Variants in TBC1D4 observed in about 807,000 individuals in gnomAD.
TBC1D4 encodes TBC1 domain family member 4.
A neutral mutation model predicts 142.5 loss-of-function variants in TBC1D4; 121 were observed. The observed-to-expected ratio is 0.85, with a 90% CI of 0.73 to 0.99. The LOEUF (loss-of-function observed/expected upper bound fraction) is 0.99. Among genes scored for constraint, TBC1D4 ranks in the 50% least tolerant of loss-of-function variants. The probability of loss-of-function intolerance (pLI) is 0.00; values close to 1 mark genes in which losing one functional copy is unlikely to be tolerated. For missense variants in TBC1D4, 1,475 were observed against 1,606.6 expected, an observed-to-expected ratio of 0.92 and a Z score of 1.40; for synonymous variants, 630 against 628.2, an observed-to-expected ratio of 1.00 and a Z score of -0.04.
chr13:75,294,861 T>A lies in TBC1D4; in HGVS notation c.3309A>T (p.Arg1103Ser). The A allele has an allele frequency of 6.2e-7, 1 of 1,613,824 alleles. No homozygotes were observed. The change falls in exon 18 of 21, where the codon AGA becomes AGT. Residue 1103 changes from arginine to serine, a missense_variant. Physicochemically the swap from Arg to Ser is moderately radical, Grantham distance 110 (BLOSUM62 -1). Coordinates refer to ENST00000377636, the MANE Select transcript of TBC1D4 (RefSeq NM_014832.5). ...ASQFSLGFVA[R>S]VFDIIFLQGT... ...ATTACAGGTATCTCTTACCAAAAAC[T>A]CTGGCTACAAATCCTAATGAAAACT... is the stretch of plus-strand genomic sequence containing the variant.
intron 10 of TBC1D4, 136 bp from the exon 11 acceptor site, chr13:75,324,537 T>A (rs1879064438): frequency 1.9e-6 from 2 of 1,029,636 alleles, no homozygotes; most frequent in Admixed American, 2.6e-5. Context: ...GGATCTTACA[T>A]GAAAAAAAAA....
chr13:75,305,640 C>T (rs1182669688), intron 15 of TBC1D4, among the ~76,000 whole-genome samples: 1 of 152,160 alleles, frequency 6.6e-6, no homozygotes, highest in African/African-American at 2.4e-5. Context: ...TATAGAATTT[C>T]TTTGGGTATT....
chr13:75,402,074 T>C (rs1475522272), intron 1 of TBC1D4, among the ~76,000 whole-genome samples: 2 of 152,136 alleles, frequency 1.3e-5, no homozygotes, highest in African/African-American at 4.8e-5. Flanking sequence ...ATGTACACTG[T>C]AGGATGTGTA....
At position 75,327,795 on chromosome 13, in the gene TBC1D4, C is replaced by G. The variant is rs1013452725; in HGVS notation, c.1763G>C (p.Ser588Thr). 3 of 1,614,018 alleles carry G rather than the reference C, an allele frequency of 1.9e-6. No homozygotes were observed. The South Asian group carries it at 3.3e-5, about 18-fold the overall frequency. ...GANRMRGRLG[S>T]VDSFERSNSL... ...GTTGGACCGTTCAAAACTGTCCACACTTCCAAGCCGACCTCTCATTCTGTT... is the reference window on the plus strand; with the variant it reads ...GTTGGACCGTTCAAAACTGTCCACAGTTCCAAGCCGACCTCTCATTCTGTT... Residue 588 changes from serine to threonine, a missense_variant, in exon 9 of 21, where the codon AGT becomes ACT. Ser to Thr is a moderately conservative substitution (Grantham distance 58). This residue lies in a region of TBC1D4 where 1,227 missense variants were observed against 1,267.7 expected (regional missense o/e 0.97). Transcript: ENST00000377636.
intron 1 of TBC1D4, among the ~76,000 whole-genome samples, chr13:75,375,058 G>A (rs1199569005): frequency 1.3e-5 from 2 of 152,146 alleles, no homozygotes; most frequent in Non-Finnish European, 2.9e-5. Flanking sequence ...GGTAATGTGA[G>A]TTGCTCCCTA....
chr13:75,333,436 T>C (rs1237194667), intron 8 of TBC1D4, among the ~76,000 whole-genome samples: 1 of 152,220 alleles, frequency 6.6e-6, no homozygotes, highest in African/African-American at 2.4e-5. Context: ...TTGTGAGGCA[T>C]GTGTGATAAG....
At chr13:75,322,640 A>G (rs914870133) in intron 11 of TBC1D4, among the ~76,000 whole-genome samples, 8 of 152,210 alleles carry the variant, frequency 5.3e-5, no homozygotes, top group Non-Finnish European at 1.0e-4. Flanking sequence ...TGTCACTTTC[A>G]GGCATGGTTC....
At chr13:75,330,143 C>G (rs996694407) in intron 8 of TBC1D4, among the ~76,000 whole-genome samples, 6 of 152,014 alleles carry the variant, frequency 3.9e-5, no homozygotes, top group African/African-American at 1.4e-4. Context: ...AACTTTTTAC[C>G]TTGTTCTCCT....
chr13:75,306,532 T>C (rs952057666), intron 14 of TBC1D4, 61 bp from the exon 15 acceptor site: 81 of 1,579,946 alleles, frequency 5.1e-5, no homozygotes, highest in Non-Finnish European at 6.7e-5. Context: ...ACTTTAGACG[T>C]TTGATTGTAT....
At chr13:75,291,709 A>G (rs1875329113) in intron 19 of TBC1D4, among the ~76,000 whole-genome samples, 1 of 152,170 alleles carries the variant, frequency 6.6e-6, no homozygotes, top group Non-Finnish European at 1.5e-5. Flanking sequence ...CCAGAAGTAG[A>G]TGCAAACCCA....
intron 1 of TBC1D4, among the ~76,000 whole-genome samples, chr13:75,369,768 C>A (rs1050286943): frequency 6.6e-6 from 1 of 152,050 alleles, no homozygotes; most frequent in East Asian, 1.9e-4. Flanking sequence ...CACAGTGCTG[C>A]GACAATGAAA....
chr13:75,420,376 A>C (rs1033806741), intron 1 of TBC1D4, among the ~76,000 whole-genome samples: 2 of 152,256 alleles, frequency 1.3e-5, no homozygotes, highest in African/African-American at 4.8e-5. Context: ...GTGAATGTAT[A>C]GCATGTAAAT....
intron 1 of TBC1D4, among the ~76,000 whole-genome samples, chr13:75,409,006 G>A (rs1037794505): frequency 6.7e-6 from 1 of 149,718 alleles, no homozygotes; most frequent in Non-Finnish European, 1.5e-5. Context: ...AGTTCCCTCT[G>A]ATATATGATT....
chr13:75,312,027 T>C (rs1877807295), intron 13 of TBC1D4, among the ~76,000 whole-genome samples: 2 of 152,202 alleles, frequency 1.3e-5, no homozygotes, highest in South Asian at 4.1e-4. Context: ...AGAATTCTTT[T>C]AGGTGTTATT....
At chr13:75,429,223 G>T (rs1368539978) in intron 1 of TBC1D4, among the ~76,000 whole-genome samples, 1 of 152,184 alleles carries the variant, frequency 6.6e-6, no homozygotes, top group Non-Finnish European at 1.5e-5. Flanking sequence ...AAAGTTAATT[G>T]TCTTACCCTA....
chr13:75,290,500 G>C (rs561263491), intron 19 of TBC1D4, among the ~76,000 whole-genome samples: 2 of 152,034 alleles, frequency 1.3e-5, no homozygotes, highest in Non-Finnish European at 2.9e-5. Flanking sequence ...GGTGATATCT[G>C]ATTTCAAATC....
intron 18 of TBC1D4, among the ~76,000 whole-genome samples, chr13:75,294,188 G>A (rs1399720341): frequency 6.6e-6 from 1 of 152,204 alleles, no homozygotes; most frequent in African/African-American, 2.4e-5. Context: ...GGCCTCCAAA[G>A]GGGACATAAA....
chr13:75,360,937 C>T (rs922357174), intron 2 of TBC1D4, among the ~76,000 whole-genome samples: 2 of 152,162 alleles, frequency 1.3e-5, no homozygotes, highest in African/African-American at 4.8e-5. Flanking sequence ...TACCAAAATA[C>T]TCCGGAATCT....
rs755469515 is a variant in TBC1D4 at position 75,302,323 on chromosome 13, T to C, written c.2831A>G (p.Lys944Arg). 1.2e-6 allele frequency: 2 copies of C among 1,614,208 alleles called. No homozygotes were observed. Among genetic ancestry groups the C allele is most frequent in the African/African-American group, 1.3e-5 (1 of 75,066 alleles). ...QYRLRHRLPNKQQPPDISYKE... is the reference protein window; with the variant it reads ...QYRLRHRLPNRQQPPDISYKE... ...ATAGGATATGTCAGGAGGCTGTTGT[T>C]TATTAGGCAATCTGTGTCTGAGTCG... is the stretch of plus-strand genomic sequence containing the variant. The change falls in exon 16 of 21, where the codon AAA becomes AGA. Residue 944 changes from lysine (K) to arginine (R), a missense_variant. Coordinates refer to ENST00000377636, the MANE Select transcript of TBC1D4 (RefSeq NM_014832.5).
Sources: gnomAD v4.1 joint callset for allele counts (sites outside exome capture counted in the v4.1 genomes callset) on GRCh38, gnomAD v4.1.1 for gene constraint, gnomAD v4.1.1 regional missense constraint, MANE v1.5 for transcripts, NCBI Gene and HGNC (gene_info 2026-07-23, HGNC 2026-07-21) for gene names.